The following VPS8 variants were observed in gnomAD, a reference collection of about 807,000 sequenced individuals.
The protein encoded by VPS8 is VPS8 subunit of CORVET complex, also known as vacuolar protein sorting-associated protein 8 homolog.
VPS8 carries 129 observed loss-of-function variants against 216.4 expected under a neutral mutation model. The ratio of observed to expected loss-of-function variants is 0.60; its 90% CI spans 0.52 to 0.69. VPS8 has a LOEUF of 0.69. VPS8 is among the 30% of genes least tolerant of loss of function. The pLI, the probability that VPS8 is intolerant of heterozygous loss-of-function variation, is 0.00. For missense variants in VPS8, 1,531 were observed against 1,683.5 expected (o/e 0.91, Z 1.59); for synonymous variants, 571 against 565.4 (o/e 1.01, Z -0.14).
At chr3:184,882,682 C>G (rs1730482711) in intron 21 of VPS8, among the ~76,000 whole-genome samples, 2 of 152,072 alleles carry the variant, frequency 1.3e-5, no homozygotes, top group Admixed American at 1.3e-4. Context: ...GTGAAACCAT[C>G]TAAACATGGA....
chr3:184,875,866 T>C (rs553030925), intron 21 of VPS8, among the ~76,000 whole-genome samples: 2 of 151,188 alleles, frequency 1.3e-5, no homozygotes, highest in Non-Finnish European at 2.9e-5. Context: ...GGTGCACAGC[T>C]ATAGTCCCAG....
At chr3:184,904,936 C>G (rs903679745) in intron 25 of VPS8, among the ~76,000 whole-genome samples, 1 of 152,160 alleles carries the variant, frequency 6.6e-6, no homozygotes, top group Admixed American at 6.5e-5. Flanking sequence ...CACAAACTTA[C>G]GTCTTACAAT....
chr3:184,854,195 A>T (rs1724820197), intron 13 of VPS8, 22 bp downstream of exon 13: 1 of 1,612,932 alleles, frequency 6.2e-7, no homozygotes, highest in South Asian at 1.1e-5. Context: ...CCTCCATCTT[A>T]TTTGCCAAAG....
intron 36 of VPS8, among the ~76,000 whole-genome samples, chr3:184,945,179 A>G (rs538122135): frequency 6.6e-6 from 1 of 151,688 alleles, no homozygotes; most frequent in Non-Finnish European, 1.5e-5. Flanking sequence ...CTCTCTATAT[A>G]TATATGTTTA....
intron 10 of VPS8, among the ~76,000 whole-genome samples, chr3:184,851,272 T>C (rs1724198641): frequency 6.6e-6 from 1 of 152,202 alleles, no homozygotes; most frequent in Non-Finnish European, 1.5e-5. Context: ...GGAGCCATTG[T>C]GTTGCTTGAC....
intron 46 of VPS8, among the ~76,000 whole-genome samples, chr3:185,034,609 T>TTTG (rs71632042): frequency 0.23 from 33,116 of 145,448 alleles, 4,681 homozygotes; most frequent in East Asian, 0.49. Context: ...CGTTGATAGT[T>TTTG]TTGTTGTTGT....
intron 45 of VPS8, among the ~76,000 whole-genome samples, chr3:185,021,200 G>A (rs1756608558): frequency 6.6e-6 from 1 of 152,158 alleles, no homozygotes; most frequent in South Asian, 2.1e-4. Context: ...CATTATTAAG[G>A]CCCTAGCTTC....
At chr3:184,971,292 A>G (rs1372199289) in intron 39 of VPS8, among the ~76,000 whole-genome samples, 1 of 152,216 alleles carries the variant, frequency 6.6e-6, no homozygotes, top group Admixed American at 6.5e-5. Flanking sequence ...GGAAATATCT[A>G]CATTTAAGAA....
At chr3:185,044,783 T>C (rs996229793) in intron 46 of VPS8, among the ~76,000 whole-genome samples, 37 of 152,312 alleles carry the variant, frequency 2.4e-4, no homozygotes, top group African/African-American at 8.4e-4. Context: ...GTCTGCCTGT[T>C]GTAGTATTTC....
intron 28 of VPS8, among the ~76,000 whole-genome samples, chr3:184,919,904 A>AT (rs753339439): frequency 8.5e-4 from 128 of 150,116 alleles, no homozygotes; most frequent in African/African-American, 2.5e-3. Flanking sequence ...CTTATTTGTG[A>AT]TTTTTTTTTA....
intron 14 of VPS8, among the ~76,000 whole-genome samples, chr3:184,856,943 G>A (rs571207547): frequency 1.6e-4 from 25 of 152,198 alleles, no homozygotes; most frequent in Admixed American, 3.9e-4. Context: ...GCTGACTCTC[G>A]AACTCCTGGC....
At chr3:184,876,466 C>A (rs1729300018) in intron 21 of VPS8, among the ~76,000 whole-genome samples, 1 of 152,036 alleles carries the variant, frequency 6.6e-6, no homozygotes. Flanking sequence ...TTACAAATCA[C>A]TGCTTTACAT....
chr3:185,000,874 G>C (rs1268104135), intron 45 of VPS8, among the ~76,000 whole-genome samples: 1 of 152,120 alleles, frequency 6.6e-6, no homozygotes, highest in Non-Finnish European at 1.5e-5. Flanking sequence ...CAAAGTGCTG[G>C]GATTACAGGC....
At position 184,824,546 on chromosome 3, in the gene VPS8, G is replaced by A. The variant is rs1293476870; in HGVS notation, c.-87G>A. On this transcript the variant is annotated splice_region_variant and 5_prime_UTR_variant, in exon 2 of 48. Coordinates refer to ENST00000625842, the MANE Select transcript of VPS8 (RefSeq NM_001009921.3). ...TTGTTTTTTTCTTTTTTTGAAAAGA[G>A]ATAATCATTCAGGTCTTCGTGAGCT... is the stretch of plus-strand genomic sequence containing the variant. The A allele has an allele frequency of 2.2e-6, 3 of 1,366,828 alleles. No individual in the cohort carries two copies. The highest frequency in any genetic ancestry group is 3.0e-6 in the Non-Finnish European group (3 of 1,002,070). 84.7% of individuals were successfully genotyped at this position (1,366,828 alleles called of 1,614,324 possible). A position where few individuals can be genotyped will look rare whatever the true frequency, so the allele number is the denominator to read the frequency against.
intron 46 of VPS8, among the ~76,000 whole-genome samples, chr3:185,036,532 G>A (rs150485560): frequency 4.0e-5 from 6 of 151,698 alleles, no homozygotes; most frequent in Non-Finnish European, 7.4e-5. Context: ...TTTAATAAAT[G>A]GTGCTGTATA....
intron 45 of VPS8, 68 bp downstream of exon 45, chr3:184,999,929 A>C: frequency 5.6e-5 from 84 of 1,489,480 alleles, no homozygotes; most frequent in Non-Finnish European, 6.8e-5. Flanking sequence ...GCCTGGTCTC[A>C]TTTCCTTCGG....
intron 11 of VPS8, 126 bp from the exon 12 acceptor site, chr3:184,853,731 G>A (rs1724726189): frequency 2.2e-6 from 2 of 920,924 alleles, no homozygotes; most frequent in Non-Finnish European, 3.3e-6. Flanking sequence ...CTGCTGTCCT[G>A]TGGAGCTTGG....
chr3:184,904,189 A>T (rs1344876527), intron 25 of VPS8, among the ~76,000 whole-genome samples: 1 of 152,046 alleles, frequency 6.6e-6, no homozygotes, highest in Non-Finnish European at 1.5e-5. Context: ...AATAATTATA[A>T]TTTTTTCTTT....
At chr3:184,917,982 G>A (rs908976204) in intron 28 of VPS8, among the ~76,000 whole-genome samples, 2 of 152,148 alleles carry the variant, frequency 1.3e-5, no homozygotes, top group Non-Finnish European at 2.9e-5. Context: ...CATCACATTG[G>A]TGATTAGGTT....
Sources: allele counts gnomAD v4.1 joint callset (sites outside exome capture counted in the v4.1 genomes callset), GRCh38; gene constraint gnomAD v4.1.1; transcripts MANE v1.5; gene names NCBI Gene and HGNC (gene_info 2026-07-23, HGNC 2026-07-21).